Variants in NRG2 observed in about 807,000 individuals in gnomAD.
NRG2 encodes the protein neuregulin 2, also known as pro-neuregulin-2, membrane-bound isoform.
A neutral mutation model predicts 73.9 loss-of-function variants in NRG2; 27 were observed. The ratio of observed to expected loss-of-function variants is 0.37; its 90% CI spans 0.27 to 0.50. The LOEUF is 0.50. Ranked by LOEUF, NRG2 falls within the 20% of genes least tolerant of loss-of-function variation. The pLI is 0.96. For missense variants in NRG2, 1,126 were observed against 1,210.1 expected (o/e 0.93, Z 1.03); for synonymous variants, 532 against 541.0 (o/e 0.98, Z 0.23).
rs114750091 is a variant in NRG2 at position 139,960,869 on chromosome 5, C to T, written c.701-73358G>A. 4.0e-3 allele frequency among the ~76,000 whole-genome samples: 609 copies of T among 152,310 alleles called. 3 individuals are homozygous for T. The highest frequency in any genetic ancestry group is 0.014 in the African/African-American group (598 of 41,566). On this transcript the variant is annotated intron_variant, in intron 1 of 9. Coordinates refer to ENST00000361474, the MANE Select transcript of NRG2 (RefSeq NM_004883.3). The stretch of plus-strand genomic sequence containing the variant: ...CTTCTAGCACATGTCAGCATAGTCA[C>T]GGATGCAGGAGGAGAGGCCAAAAAG...
At chr5:139,945,086 T>C (rs1182753243) in intron 1 of NRG2, among the ~76,000 whole-genome samples, 2 of 151,990 alleles carry the variant, frequency 1.3e-5, no homozygotes, top group African/African-American at 2.4e-5. Context: ...TTTTTGCCCA[T>C]TTTTTAATCG....
intron 1 of NRG2, among the ~76,000 whole-genome samples, chr5:139,988,361 T>C (rs140278343): frequency 6.6e-6 from 1 of 152,190 alleles, no homozygotes; most frequent in East Asian, 1.9e-4. Context: ...GATGTTCATA[T>C]CATCTTCTAT....
At chr5:140,010,465 CTT>C (rs1255639434) in intron 1 of NRG2, among the ~76,000 whole-genome samples, 1 of 152,008 alleles carries the variant, frequency 6.6e-6, no homozygotes, top group East Asian at 1.9e-4. Flanking sequence ...GTAATTGTAA[CTT>C]ATCAATTGTA....
intron 1 of NRG2, among the ~76,000 whole-genome samples, chr5:140,004,885 T>C (rs1002250075): frequency 1.3e-5 from 2 of 152,342 alleles, no homozygotes. Context: ...GTGATAATAT[T>C]AGGGAAATTG....
chr5:139,862,892 T>A (rs911209791), intron 5 of NRG2, among the ~76,000 whole-genome samples: 1 of 152,258 alleles, frequency 6.6e-6, no homozygotes, highest in Non-Finnish European at 1.5e-5. Context: ...AAAGCTTCAA[T>A]GTGCTATTGC....
At chr5:140,007,484 G>T (rs763682261) in intron 1 of NRG2, among the ~76,000 whole-genome samples, 3 of 152,052 alleles carry the variant, frequency 2.0e-5, no homozygotes, top group Non-Finnish European at 4.4e-5. Context: ...AGAAAGAGGA[G>T]ATCAGCCAGG....
chr5:139,996,679 C>CA (rs1758036090), intron 1 of NRG2, among the ~76,000 whole-genome samples: 1 of 152,232 alleles, frequency 6.6e-6, no homozygotes, highest in African/African-American at 2.4e-5. Context: ...GCCTGCCCTT[C>CA]ACACCTGTCT....
chr5:139,876,942 T>C (rs1422796042), intron 3 of NRG2, among the ~76,000 whole-genome samples: 2 of 151,372 alleles, frequency 1.3e-5, no homozygotes, highest in Non-Finnish European at 2.9e-5. Context: ...TGTGTGTGTG[T>C]GTGTGTGTGT....
chr5:139,966,317 C>A (rs1040376056), intron 1 of NRG2, among the ~76,000 whole-genome samples: 1 of 152,186 alleles, frequency 6.6e-6, no homozygotes, highest in East Asian at 1.9e-4. Context: ...TGAGCACTTA[C>A]GCGACAGGTA....
chr5:139,939,020 A>G (rs1489208028), intron 1 of NRG2, among the ~76,000 whole-genome samples: 2 of 151,270 alleles, frequency 1.3e-5, no homozygotes, highest in East Asian at 4.0e-4. Context: ...GGAAGGAAGG[A>G]AGCAAGGAAA....
chr5:139,963,232 C>T (rs1755217895), intron 1 of NRG2, among the ~76,000 whole-genome samples: 1 of 152,232 alleles, frequency 6.6e-6, no homozygotes, highest in Non-Finnish European at 1.5e-5. Context: ...AACAACCTGA[C>T]ATGATATATT....
intron 1 of NRG2, among the ~76,000 whole-genome samples, chr5:139,889,482 C>T (rs1438470063): frequency 1.3e-5 from 2 of 152,164 alleles, no homozygotes; most frequent in Non-Finnish European, 2.9e-5. Flanking sequence ...GTTCCTTTGA[C>T]CTCCTTTCAG....
At chr5:139,975,489 G>A (rs899184623) in intron 1 of NRG2, among the ~76,000 whole-genome samples, 1 of 152,172 alleles carries the variant, frequency 6.6e-6, no homozygotes, top group African/African-American at 2.4e-5. Context: ...AGCCTGACTG[G>A]TATGTGGAGA....
In NRG2 at chr5:139,848,486, G is replaced by T. The variant is rs1254218102; in HGVS notation, c.1984C>A (p.Pro662Thr). 6 of 1,344,170 alleles carry T rather than the reference G, an allele frequency of 4.5e-6. No homozygotes were observed. The highest frequency in any genetic ancestry group is 5.6e-6 in the Non-Finnish European group (6 of 1,062,606). 83.3% of individuals were successfully genotyped at this position (1,344,170 alleles called of 1,614,324 possible). A position where few individuals can be genotyped will look rare whatever the true frequency, so the allele number is the denominator to read the frequency against. ...APPGPGPGPG[P>T]GPGPGADMQR... Reference sequence around the variant, plus strand: ...ATGTCTGCGCCGGGCCCGGGCCCGGGCCCGGGTCCGGGTCCCGGGCCGGGG... The same window carrying T: ...ATGTCTGCGCCGGGCCCGGGCCCGGTCCCGGGTCCGGGTCCCGGGCCGGGG... The change falls in exon 10 of 10, where the codon CCC (proline) becomes ACC (threonine). Residue 662 changes from proline to threonine, a missense_variant. Physicochemically the swap from Pro to Thr is conservative, Grantham distance 38 (BLOSUM62 -1). Coordinates refer to ENST00000361474, the MANE Select transcript of NRG2 (RefSeq NM_004883.3).
intron 1 of NRG2, among the ~76,000 whole-genome samples, chr5:140,024,503 C>A (rs1159360536): frequency 6.6e-6 from 1 of 152,210 alleles, no homozygotes; most frequent in East Asian, 1.9e-4. Context: ...GATCCGCCCG[C>A]CTCGGCCTCC....
chr5:140,021,329 A>C (rs923571083), intron 1 of NRG2, among the ~76,000 whole-genome samples: 3 of 152,226 alleles, frequency 2.0e-5, no homozygotes, highest in African/African-American at 7.2e-5. Context: ...TTTATGAGAC[A>C]AAGTCTGAGG....
intron 1 of NRG2, among the ~76,000 whole-genome samples, chr5:139,951,580 C>T (rs867885504): frequency 1.6e-5 from 2 of 125,982 alleles, no homozygotes; most frequent in African/African-American, 3.7e-5. Context: ...AGCTCCGTGG[C>T]TCCTCTAATG....
intron 3 of NRG2, among the ~76,000 whole-genome samples, chr5:139,874,158 C>T (rs949121147): frequency 5.9e-5 from 9 of 152,214 alleles, no homozygotes; most frequent in African/African-American, 1.9e-4. Flanking sequence ...GCTGCGCTCA[C>T]GCTGTAGCGC....
chr5:139,910,853 A>T (rs1765524073), intron 1 of NRG2, among the ~76,000 whole-genome samples: 1 of 152,102 alleles, frequency 6.6e-6, no homozygotes, highest in Non-Finnish European at 1.5e-5. Flanking sequence ...CCCAGAAGAG[A>T]ATTCATCCTC....
Sources: gnomAD v4.1 joint callset for allele counts (sites outside exome capture counted in the v4.1 genomes callset) on GRCh38, gnomAD v4.1.1 for gene constraint, MANE v1.5 for transcripts, NCBI Gene and HGNC (gene_info 2026-07-23, HGNC 2026-07-21) for gene names.